Variants in TMEM117 observed in about 807,000 individuals in gnomAD.
TMEM117 encodes the protein transmembrane protein 117.
A neutral mutation model predicts 52.4 loss-of-function variants in TMEM117; 27 were observed. That is an observed-to-expected ratio of 0.51 (90% confidence interval 0.38 to 0.71). The LOEUF (loss-of-function observed/expected upper bound fraction) is 0.71. TMEM117 is among the 30% of genes least tolerant of loss of function. The pLI, the probability that TMEM117 is intolerant of heterozygous loss-of-function variation, is 0.00. For missense variants in TMEM117, 556 were observed against 630.5 expected (o/e 0.88, Z 1.26); for synonymous variants, 215 against 206.3 (o/e 1.04, Z -0.36).
intron 4 of TMEM117, among the ~76,000 whole-genome samples, chr12:44,190,866 G>T (rs12296329): frequency 0.021 from 3,187 of 148,308 alleles, 66 homozygotes; most frequent in South Asian, 0.053. Context: ...TCTATATATA[G>T]AGAGAGATAC....
At position 44,177,682 on chromosome 12, in the gene TMEM117, G is replaced by A. The variant is rs76126790; in HGVS notation, c.511-33608G>A. 3.5e-3 allele frequency among the ~76,000 whole-genome samples: 533 copies of A among 152,070 alleles called. 1 individual carries two copies. The highest frequency in any genetic ancestry group is 5.5e-3 in the Non-Finnish European group (372 of 67,962). ...AACTTATAAAGTGGTTACTGATTTG[G>A]GTATGAACTGATTAAAATTTAGCTA... is the stretch of plus-strand genomic sequence containing the variant. On this transcript the variant is annotated intron_variant, in intron 4 of 7. Transcript: ENST00000266534.
chr12:43,940,008 A>G (rs764169275), intron 2 of TMEM117, among the ~76,000 whole-genome samples: 17 of 152,184 alleles, frequency 1.1e-4, no homozygotes, highest in Non-Finnish European at 2.1e-4. Context: ...AGCACAGGAA[A>G]GATTCGCCTC....
At chr12:44,142,957 C>A (rs1948591277) in intron 3 of TMEM117, among the ~76,000 whole-genome samples, 1 of 152,100 alleles carries the variant, frequency 6.6e-6, no homozygotes, top group Non-Finnish European at 1.5e-5. Context: ...TAATTACATT[C>A]TCTTATTTAT....
chr12:43,898,373 A>C (rs1331953474), intron 2 of TMEM117, among the ~76,000 whole-genome samples: 1 of 140,472 alleles, frequency 7.1e-6, no homozygotes, highest in Non-Finnish European at 1.6e-5. Context: ...ATTATTAATA[A>C]TATATATTAA....
intron 3 of TMEM117, among the ~76,000 whole-genome samples, chr12:44,001,039 C>T (rs535287283): frequency 1.3e-5 from 2 of 152,276 alleles, no homozygotes; most frequent in South Asian, 2.1e-4. Flanking sequence ...AGTTCCTGCT[C>T]ATGGAGACCC....
intron 3 of TMEM117, among the ~76,000 whole-genome samples, chr12:43,954,174 G>A (rs1368242490): frequency 1.3e-5 from 2 of 152,144 alleles, no homozygotes; most frequent in African/African-American, 2.4e-5. Context: ...GAAATGTATA[G>A]CACTAAATGC....
At chr12:44,296,987 A>G (rs945474535) in intron 5 of TMEM117, among the ~76,000 whole-genome samples, 2 of 152,208 alleles carry the variant, frequency 1.3e-5, no homozygotes, top group Non-Finnish European at 2.9e-5. Context: ...AGCCCTGATC[A>G]GTCTTGGACT....
intron 3 of TMEM117, among the ~76,000 whole-genome samples, chr12:44,129,896 A>G (rs979997969): frequency 6.6e-6 from 1 of 152,182 alleles, no homozygotes; most frequent in African/African-American, 2.4e-5. Context: ...TCTTCACTAC[A>G]TCATTAATTT....
intron 3 of TMEM117, among the ~76,000 whole-genome samples, chr12:44,126,235 A>G (rs1349624677): frequency 6.6e-6 from 1 of 152,216 alleles, no homozygotes; most frequent in Non-Finnish European, 1.5e-5. Flanking sequence ...ATATGAATGC[A>G]TGTACACAGA....
chr12:44,387,963 G>C, intron 7 of TMEM117, 63 bp from the exon 8 acceptor site: 1 of 1,401,608 alleles, frequency 7.1e-7, no homozygotes. Flanking sequence ...TCATTTTATT[G>C]TAGAAAACCT....
intron 5 of TMEM117, among the ~76,000 whole-genome samples, chr12:44,292,148 G>A (rs73276216): frequency 0.01 from 1,525 of 151,892 alleles, 33 homozygotes; most frequent in African/African-American, 0.035. Context: ...ACTCATGATC[G>A]GTCTGTTCAG....
At chr12:43,962,595 T>C (rs552470456) in intron 3 of TMEM117, among the ~76,000 whole-genome samples, 1 of 152,260 alleles carries the variant, frequency 6.6e-6, no homozygotes, top group South Asian at 2.1e-4. Context: ...GCCTACATAG[T>C]TTAATTCTCT....
At chr12:44,256,902 G>A (rs1315918043) in intron 5 of TMEM117, among the ~76,000 whole-genome samples, 1 of 151,558 alleles carries the variant, frequency 6.6e-6, no homozygotes, top group Non-Finnish European at 1.5e-5. Flanking sequence ...AAAAGGGTTT[G>A]TAACTTGGCC....
At chr12:44,346,086 C>A (rs1348612256) in intron 6 of TMEM117, among the ~76,000 whole-genome samples, 2 of 152,034 alleles carry the variant, frequency 1.3e-5, no homozygotes, top group Non-Finnish European at 2.9e-5. Flanking sequence ...CAAATAAAAT[C>A]ATTTTATTTG....
chr12:43,922,401 A>G (rs1441123773), intron 2 of TMEM117, among the ~76,000 whole-genome samples: 2 of 152,242 alleles, frequency 1.3e-5, no homozygotes, highest in Non-Finnish European at 2.9e-5. Context: ...TGAAATTAAC[A>G]TATAGGTAAA....
chr12:44,127,569 G>A (rs1367078265), intron 3 of TMEM117, among the ~76,000 whole-genome samples: 1 of 152,012 alleles, frequency 6.6e-6, no homozygotes. Context: ...CCAGCTACTC[G>A]GGAGGCTGAG....
chr12:43,989,433 C>G (rs1945901358), intron 3 of TMEM117, among the ~76,000 whole-genome samples: 1 of 152,046 alleles, frequency 6.6e-6, no homozygotes, highest in Non-Finnish European at 1.5e-5. Flanking sequence ...TAGAATCTCT[C>G]TACTGCTACA....
At chr12:44,080,996 T>G (rs1947472880) in intron 3 of TMEM117, among the ~76,000 whole-genome samples, 1 of 131,850 alleles carries the variant, frequency 7.6e-6, no homozygotes, top group African/African-American at 4.3e-5. Context: ...TAATGAAAAG[T>G]AAGTGTTTTT....
At chr12:44,056,659 G>A (rs898509892) in intron 3 of TMEM117, among the ~76,000 whole-genome samples, 3 of 152,020 alleles carry the variant, frequency 2.0e-5, no homozygotes, top group African/African-American at 7.2e-5. Flanking sequence ...GGGTGACTTG[G>A]GAGGAAAAAC....
Sources: allele counts gnomAD v4.1 joint callset (sites outside exome capture counted in the v4.1 genomes callset), GRCh38; gene constraint gnomAD v4.1.1; transcripts MANE v1.5; gene names NCBI Gene and HGNC (gene_info 2026-07-23, HGNC 2026-07-21).